The following DPYSL3 variants were observed in gnomAD, a reference collection of about 807,000 sequenced individuals.
DPYSL3 encodes dihydropyrimidinase-related protein 3.
In DPYSL3, 16 loss-of-function variants were observed where a neutral mutation model predicts 66.1. The ratio of observed to expected loss-of-function variants is 0.24; its 90% CI spans 0.16 to 0.37. The LOEUF (loss-of-function observed/expected upper bound fraction) is 0.37, where lower values mean the gene tolerates loss of function less well. Among genes scored for constraint, DPYSL3 ranks in the 10% least tolerant of loss-of-function variants. DPYSL3 has a pLI of 1.00. For synonymous variants in DPYSL3, 338 were observed against 345.1 expected, an observed-to-expected ratio of 0.98 and a Z score of 0.23; for missense variants, 738 against 916.2, an observed-to-expected ratio of 0.81 and a Z score of 2.51.
At chr5:147,457,025 CTCAT>C (rs35707944) in intron 1 of DPYSL3, among the ~76,000 whole-genome samples, 7,058 of 151,984 alleles carry the variant, frequency 0.046, 355 homozygotes, top group African/African-American at 0.13. Context: ...CTCACCATCA[CTCAT>C]TCATTCATTC....
chr5:147,439,048 G>A (rs751509873), intron 1 of DPYSL3, among the ~76,000 whole-genome samples: 16 of 152,102 alleles, frequency 1.1e-4, no homozygotes, highest in African/African-American at 3.6e-4. Flanking sequence ...AACTGTTCTC[G>A]CCAAACCACT....
At chr5:147,437,216 C>A (rs892816639) in intron 1 of DPYSL3, among the ~76,000 whole-genome samples, 4 of 152,184 alleles carry the variant, frequency 2.6e-5, no homozygotes, top group Admixed American at 2.6e-4. Context: ...CTGGCTTTGA[C>A]AGGGCCTTTA....
At chr5:147,441,948 C>T (rs1752540184) in intron 1 of DPYSL3, among the ~76,000 whole-genome samples, 2 of 152,144 alleles carry the variant, frequency 1.3e-5, no homozygotes, top group African/African-American at 4.8e-5. Flanking sequence ...TATTCAATTG[C>T]CTTAAAACCC....
Position 147,509,822 on chromosome 5 carries a change from C to G in DPYSL3, c.37G>C (p.Glu13Gln). 6.5e-7 allele frequency: 1 copy of G among 1,535,658 alleles called. No individual in the cohort carries two copies. Among genetic ancestry groups the G allele is most frequent in the Non-Finnish European group, 8.7e-7 (1 of 1,146,626 alleles). The change falls in exon 1 of 14, where the codon GAA (glutamate) becomes CAA (glutamine). Residue 13 changes from glutamate (E) to glutamine (Q), a missense_variant. Physicochemically the swap from Glu to Gln is conservative, Grantham distance 29. Coordinates refer to ENST00000343218, the MANE Select transcript of DPYSL3 (RefSeq NM_001197294.2). The surrounding 1 kb of genome is among the most constrained non-coding windows in gnomAD (Gnocchi z 5.3). ...GCCAGGTACACGGGCAGATCGTCTT[C>G]GTGGGAGCTGTCCCAGCCCCTCCGG... ...SGRRGWDSSH[E>Q]DDLPVYLARP...
At chr5:147,480,466 C>G (rs931977941) in intron 1 of DPYSL3, among the ~76,000 whole-genome samples, 4 of 152,154 alleles carry the variant, frequency 2.6e-5, no homozygotes, top group African/African-American at 7.2e-5. Context: ...CAAATCCCCT[C>G]TGTCTGAAGC....
chr5:147,400,085 G>C (rs555724830), intron 10 of DPYSL3, among the ~76,000 whole-genome samples: 1 of 152,256 alleles, frequency 6.6e-6, no homozygotes, highest in Admixed American at 6.5e-5. Flanking sequence ...GAAACATAGA[G>C]CAGTAATCAA....
At chr5:147,418,304 C>G (rs950599566) in intron 3 of DPYSL3, 143 bp downstream of exon 3, 1 of 798,202 alleles carries the variant, frequency 1.3e-6, no homozygotes, top group Admixed American at 3.1e-5. Context: ...GCTCAATCTG[C>G]TTTTCTCAGG....
At chr5:147,455,760 T>A (rs1561795164) in intron 1 of DPYSL3, among the ~76,000 whole-genome samples, 1 of 148,896 alleles carries the variant, frequency 6.7e-6, no homozygotes, top group Admixed American at 6.7e-5. Context: ...TTTACAATCC[T>A]AAAAAAAAAA....
chr5:147,466,965 G>T (rs2126418239), intron 1 of DPYSL3, among the ~76,000 whole-genome samples: 1 of 152,210 alleles, frequency 6.6e-6, no homozygotes, highest in East Asian at 1.9e-4. Context: ...TCTAGCAAAT[G>T]GAGTGTCAAC....
chr5:147,498,392 T>C (rs1753553749), intron 1 of DPYSL3, among the ~76,000 whole-genome samples: 1 of 152,216 alleles, frequency 6.6e-6, no homozygotes. Flanking sequence ...AGTGCTGCAA[T>C]GAACATACAC....
chr5:147,414,688 C>T (rs1391758153), intron 4 of DPYSL3, among the ~76,000 whole-genome samples: 1 of 152,162 alleles, frequency 6.6e-6, no homozygotes, highest in Admixed American at 6.5e-5. Flanking sequence ...AGTATAAACG[C>T]AAATACAGAA....
At chr5:147,506,143 C>T (rs1748992913) in intron 1 of DPYSL3, among the ~76,000 whole-genome samples, 1 of 152,072 alleles carries the variant, frequency 6.6e-6, no homozygotes, top group Admixed American at 6.5e-5. Context: ...TGGTACAAAG[C>T]TGGCAGTAGG....
rs377142026 is a variant in DPYSL3, at chr5:147,405,667, C to T, written c.1096G>A (p.Val366Ile). 23 of 1,613,830 alleles carry T rather than the reference C, an allele frequency of 1.4e-5. No individual in the cohort carries two copies. Among genetic ancestry groups the T allele is most frequent in the Admixed American group, 8.3e-5 (5 of 59,984 alleles). ...GCACTCTTGCTCATGACCTTTGTGA[C>T]GTAGAGAGGGCAATTGGTTTGGCTG... ...IASQTNCPLY[V>I]TKVMSKSAAD... Residue 366 changes from valine (V) to isoleucine (I), a missense_variant, in exon 8 of 14, where the codon GTC becomes ATC. Physicochemically the swap from Val to Ile is conservative, Grantham distance 29. Transcript: ENST00000343218.
intron 1 of DPYSL3, among the ~76,000 whole-genome samples, chr5:147,476,695 T>A (rs1753160303): frequency 6.6e-6 from 1 of 152,202 alleles, no homozygotes; most frequent in Non-Finnish European, 1.5e-5. Context: ...CTTATTTTTC[T>A]TGGCCAATGT....
chr5:147,423,671 CTA>C (rs2126326877), intron 2 of DPYSL3, among the ~76,000 whole-genome samples: 1 of 150,818 alleles, frequency 6.6e-6, no homozygotes, highest in East Asian at 2.0e-4. Flanking sequence ...GTCAGAATTG[CTA>C]TGATTGATGA....
intron 3 of DPYSL3, among the ~76,000 whole-genome samples, chr5:147,416,974 C>A (rs373706752): frequency 2.0e-4 from 30 of 152,294 alleles, no homozygotes; most frequent in Middle Eastern, 6.8e-3. Flanking sequence ...AATACATATA[C>A]TGTGATCCTA....
At chr5:147,446,796 C>T (rs949825848) in intron 1 of DPYSL3, among the ~76,000 whole-genome samples, 3 of 152,242 alleles carry the variant, frequency 2.0e-5, no homozygotes, top group African/African-American at 7.2e-5. Flanking sequence ...GTCAAGAGGA[C>T]ACACAACTCA....
intron 1 of DPYSL3, among the ~76,000 whole-genome samples, chr5:147,494,629 GC>G (rs1753470836): frequency 6.6e-6 from 1 of 150,542 alleles, no homozygotes; most frequent in Admixed American, 6.6e-5. Flanking sequence ...ACTTTGGGAG[GC>G]CGAGGCGGGC....
intron 1 of DPYSL3, among the ~76,000 whole-genome samples, chr5:147,428,784 A>G (rs1206059492): frequency 6.7e-6 from 1 of 148,538 alleles, no homozygotes; most frequent in Non-Finnish European, 1.5e-5. Context: ...AACAACACAC[A>G]CTGGGGCCCG....
Sources: allele counts gnomAD v4.1 joint callset (sites outside exome capture counted in the v4.1 genomes callset), GRCh38; gene constraint gnomAD v4.1.1; non-coding constraint Gnocchi (gnomAD v3.1); transcripts MANE v1.5; gene names NCBI Gene and HGNC (gene_info 2026-07-23, HGNC 2026-07-21).